Variants in LIMS1 observed in about 807,000 individuals in gnomAD.
LIMS1 encodes the protein LIM and senescent cell antigen-like-containing domain protein 1.
In LIMS1, 18 loss-of-function variants were observed where a neutral mutation model predicts 44.1. That is an observed-to-expected ratio of 0.41 (90% CI 0.28 to 0.61). LIMS1 has a LOEUF of 0.61. Ranked by LOEUF, LIMS1 falls within the 20% of genes least tolerant of loss-of-function variation. The probability of loss-of-function intolerance (pLI) is 0.32; values close to 1 mark genes in which losing one functional copy is unlikely to be tolerated. For synonymous variants in LIMS1, 93 were observed against 149.1 expected (o/e 0.62, Z 2.74); for missense variants, 201 against 422.0 (o/e 0.48, Z 4.59).
chr2:108,621,231 G>A, intron 1 of LIMS1: 1 of 1,479,944 alleles, frequency 6.8e-7, no homozygotes, highest in East Asian at 2.5e-5. Flanking sequence ...GGTCTGCCTG[G>A]AGGTTTCTAA....
At chr2:108,548,542 A>C (rs1406594899) in intron 1 of LIMS1, among the ~76,000 whole-genome samples, 1 of 152,250 alleles carries the variant, frequency 6.6e-6, no homozygotes, top group Non-Finnish European at 1.5e-5. Context: ...TCATGATGAC[A>C]GAGGACGTTG....
intron 1 of LIMS1, among the ~76,000 whole-genome samples, chr2:108,589,913 C>T (rs1212467841): frequency 6.6e-6 from 1 of 152,180 alleles, no homozygotes; most frequent in Non-Finnish European, 1.5e-5. Context: ...GATGTAATTT[C>T]AGCCTTCTTG....
intron 3 of LIMS1, among the ~76,000 whole-genome samples, chr2:108,672,062 G>A (rs866240079): frequency 5.3e-5 from 8 of 151,966 alleles, no homozygotes; most frequent in Middle Eastern, 3.4e-3. Context: ...AGCTACTTGG[G>A]AGGCTGAGGC....
intron 1 of LIMS1, among the ~76,000 whole-genome samples, chr2:108,579,832 C>T (rs1685817796): frequency 6.6e-6 from 1 of 152,184 alleles, no homozygotes; most frequent in Admixed American, 6.5e-5. Flanking sequence ...GAGAACTTCC[C>T]AGAGGAAGCG....
chr2:108,576,939 TG>T (rs1477916768), intron 1 of LIMS1, among the ~76,000 whole-genome samples: 1 of 152,202 alleles, frequency 6.6e-6, no homozygotes, highest in Non-Finnish European at 1.5e-5. Context: ...CAGGAGTTTC[TG>T]GCCATCCCAA....
chr2:108,592,513 T>C (rs1023393772), intron 1 of LIMS1, among the ~76,000 whole-genome samples: 5 of 152,136 alleles, frequency 3.3e-5, no homozygotes, highest in Admixed American at 2.6e-4. Flanking sequence ...TTATAGGGCT[T>C]TAAAATGTGC....
intron 1 of LIMS1, among the ~76,000 whole-genome samples, chr2:108,601,992 T>A (rs983912280): frequency 6.6e-6 from 1 of 152,268 alleles, no homozygotes; most frequent in African/African-American, 2.4e-5. Flanking sequence ...CAGTGTTTTA[T>A]AGTTTTCATT....
chr2:108,567,341 G>T (rs2104623604), intron 1 of LIMS1, among the ~76,000 whole-genome samples: 1 of 152,176 alleles, frequency 6.6e-6, no homozygotes, highest in Non-Finnish European at 1.5e-5. Flanking sequence ...TCTCGTCCAG[G>T]GTTGGTTCCC....
intron 1 of LIMS1, among the ~76,000 whole-genome samples, chr2:108,614,252 G>T (rs1459851298): frequency 6.6e-6 from 1 of 152,132 alleles, no homozygotes; most frequent in Admixed American, 6.5e-5. Flanking sequence ...CACCATGCTC[G>T]GGCGCCTCCT....
chr2:108,665,925 A>G (rs558005511), intron 2 of LIMS1, among the ~76,000 whole-genome samples: 12 of 152,254 alleles, frequency 7.9e-5, no homozygotes, highest in East Asian at 3.9e-4. Context: ...AGCAAAGAAC[A>G]TTGGTAAGAA....
Position 108,598,340 on chromosome 2 carries a change from G to A in LIMS1, c.33-61265G>A, listed in dbSNP as rs1414985788. ...GTGTCACCTGGTATGTCTTAGATGT[G>A]ATTTGAGACTTTTTGTTGTTGTTGA... On this transcript the variant is annotated intron_variant, in intron 1 of 9. Transcript: ENST00000544547. Among the ~76,000 whole-genome samples, 4 of 152,188 alleles carry A rather than the reference G, an allele frequency of 2.6e-5. No homozygotes were observed. In the East Asian group the frequency reaches 7.7e-4, roughly 29 times the overall value.
intron 1 of LIMS1, among the ~76,000 whole-genome samples, chr2:108,552,484 TAC>T (rs1213122997): frequency 6.8e-6 from 1 of 146,388 alleles, no homozygotes; most frequent in Non-Finnish European, 1.5e-5. Context: ...AGTAATACAT[TAC>T]AGTTACATAT....
At chr2:108,634,750 A>G (rs1159948354) in intron 1 of LIMS1, among the ~76,000 whole-genome samples, 1 of 152,244 alleles carries the variant, frequency 6.6e-6, no homozygotes, top group Non-Finnish European at 1.5e-5. Flanking sequence ...AGGAATGACC[A>G]TGACAGGAAA....
chr2:108,568,809 G>A (rs1685383218), intron 1 of LIMS1, among the ~76,000 whole-genome samples: 1 of 152,074 alleles, frequency 6.6e-6, no homozygotes, highest in Admixed American at 6.6e-5. Flanking sequence ...TTATATGCTT[G>A]TTAGCTATTT....
At chr2:108,601,287 G>A (rs553569745) in intron 1 of LIMS1, among the ~76,000 whole-genome samples, 2 of 152,222 alleles carry the variant, frequency 1.3e-5, no homozygotes, top group East Asian at 3.9e-4. Context: ...AACTATGGAG[G>A]ATTCATCACC....
At chr2:108,607,016 G>A in intron 1 of LIMS1, 1 of 579,922 alleles carries the variant, frequency 1.7e-6, no homozygotes, top group South Asian at 2.1e-5. Flanking sequence ...AAATTCATAT[G>A]TTGAACTTCT....
At chr2:108,637,810 A>G (rs1689377621) in intron 1 of LIMS1, among the ~76,000 whole-genome samples, 1 of 152,216 alleles carries the variant, frequency 6.6e-6, no homozygotes, top group Non-Finnish European at 1.5e-5. Flanking sequence ...TTCTAGTTAA[A>G]GTTTCTAAAT....
chr2:108,541,606 CTGTT>C (rs2104569874), intron 1 of LIMS1, among the ~76,000 whole-genome samples: 1 of 152,332 alleles, frequency 6.6e-6, no homozygotes, highest in African/African-American at 2.4e-5. Context: ...GAATTTAAGG[CTGTT>C]TGTGATCTGG....
At chr2:108,684,554 A>T (rs896894532) in exon 10 of LIMS1, 2 of 151,958 alleles carry the variant, frequency 1.3e-5, no homozygotes. Context: ...GAACTACTTG[A>T]TTTTTTTTAG....
Sources: allele counts gnomAD v4.1 joint callset (sites outside exome capture counted in the v4.1 genomes callset), GRCh38; gene constraint gnomAD v4.1.1; transcripts MANE v1.5; gene names NCBI Gene and HGNC (gene_info 2026-07-23, HGNC 2026-07-21).